CYP2C18: variants seen among roughly 807,000 people sequenced by gnomAD.
CYP2C18 encodes cytochrome P450 2C18.
CYP2C18 carries 38 observed loss-of-function variants against 41.3 expected under a neutral mutation model. The observed-to-expected ratio is 0.92, with a 90% confidence interval of 0.71 to 1.21. The LOEUF is 1.21. CYP2C18 is among the 50% of genes most tolerant of loss of function. CYP2C18 has a pLI of 0.00. For missense variants in CYP2C18, 635 were observed against 591.4 expected (o/e 1.07, Z -0.77); for synonymous variants, 236 against 210.0 (o/e 1.12, Z -1.07).
chr10:94,733,702 C>T (rs1293993614), intron 8 of CYP2C18: 1 of 574,796 alleles, frequency 1.7e-6, no homozygotes, highest in African/African-American at 2.0e-5. Context: ...AGATACATCA[C>T]TGAGCTACCC....
chr10:94,725,011 A>T (rs747851762), intron 7 of CYP2C18, among the ~76,000 whole-genome samples: 4 of 150,532 alleles, frequency 2.7e-5, no homozygotes, highest in Non-Finnish European at 5.9e-5. Context: ...TGGCTTTCTC[A>T]TGTATTACGT....
rs905420054 is a variant in CYP2C18, at chr10:94,687,912, A to C, written c.311A>C (p.Glu104Ala). ...GGAAGAGGAAGTTTTCCAGTGGCTGAAAAAGTTAACAAAGGACTTGGTAAA... is the reference window on the plus strand; with the variant it reads ...GGAAGAGGAAGTTTTCCAGTGGCTGCAAAAGTTAACAAAGGACTTGGTAAA... ...FSGRGSFPVAEKVNKGLGILF... is the reference protein window; with the variant it reads ...FSGRGSFPVAAKVNKGLGILF... The change falls in exon 2 of 9, where the codon GAA becomes GCA. Residue 104 changes from glutamate (E) to alanine (A), a missense_variant. By Grantham distance (107) the Glu-to-Ala change is moderately radical (BLOSUM62 -1). Transcript: ENST00000285979. The C allele has an allele frequency of 9.9e-6, 16 of 1,613,754 alleles. No homozygotes were observed. The highest frequency in any genetic ancestry group is 1.4e-5 in the Non-Finnish European group (16 of 1,179,744).
chr10:94,716,519 A>G (rs951480532), intron 5 of CYP2C18, among the ~76,000 whole-genome samples: 6 of 152,084 alleles, frequency 3.9e-5, no homozygotes, highest in African/African-American at 1.4e-4. Context: ...TTGTAGTTCT[A>G]GTTTGATTGT....
intron 3 of CYP2C18, among the ~76,000 whole-genome samples, chr10:94,693,786 G>A (rs1847060538): frequency 6.6e-6 from 1 of 152,116 alleles, no homozygotes; most frequent in Non-Finnish European, 1.5e-5. Context: ...TTTTGTTCAA[G>A]TCACTCTTAA....
intron 1 of CYP2C18, 117 bp downstream of exon 1, chr10:94,684,104 A>G: frequency 1.5e-6 from 1 of 687,644 alleles, no homozygotes; most frequent in African/African-American, 1.8e-5. Flanking sequence ...ATGGGGTACA[A>G]TATTACATTT....
At chr10:94,728,316 G>A (rs1005748089) in intron 7 of CYP2C18, among the ~76,000 whole-genome samples, 1 of 151,956 alleles carries the variant, frequency 6.6e-6, no homozygotes, top group Non-Finnish European at 1.5e-5. Context: ...TCATATGTGC[G>A]GTCCACATTT....
At chr10:94,717,638 A>G (rs1470678384) in intron 5 of CYP2C18, among the ~76,000 whole-genome samples, 1 of 152,068 alleles carries the variant, frequency 6.6e-6, no homozygotes, top group Admixed American at 6.6e-5. Context: ...GCTTGAGTAT[A>G]TGGTGTGAGA....
chr10:94,721,437 G>A (rs1251803943), intron 6 of CYP2C18, among the ~76,000 whole-genome samples: 1 of 152,092 alleles, frequency 6.6e-6, no homozygotes, highest in Non-Finnish European at 1.5e-5. Flanking sequence ...TGGTTGGTTT[G>A]ATGCCATTTT....
At chr10:94,687,994 A>G in intron 2 of CYP2C18, 62 bp downstream of exon 2, 1 of 1,595,862 alleles carries the variant, frequency 6.3e-7, no homozygotes, top group Non-Finnish European at 8.6e-7. Flanking sequence ...GGCTATAGGG[A>G]TGGGGAGGAT....
chr10:94,733,571 C>A, intron 8 of CYP2C18, 133 bp downstream of exon 8: 1 of 1,474,104 alleles, frequency 6.8e-7, no homozygotes, highest in Non-Finnish European at 9.0e-7. Context: ...TCCCTATGCC[C>A]ATGCGATTTC....
At chr10:94,724,693 A>G (rs1300390737) in intron 7 of CYP2C18, among the ~76,000 whole-genome samples, 160 bp downstream of exon 7, 1 of 152,106 alleles carries the variant, frequency 6.6e-6, no homozygotes, top group Non-Finnish European at 1.5e-5. Context: ...TGGGCCTATG[A>G]AGGTTTATAA....
At chr10:94,694,147 G>C (rs12569873) in intron 3 of CYP2C18, among the ~76,000 whole-genome samples, 1 of 151,972 alleles carries the variant, frequency 6.6e-6, no homozygotes, top group African/African-American at 2.4e-5. Context: ...ATTGAAGATA[G>C]TGCCTGGTGA....
chr10:94,701,294 A>G (rs545330443), intron 4 of CYP2C18, among the ~76,000 whole-genome samples: 1 of 152,352 alleles, frequency 6.6e-6, no homozygotes, highest in Non-Finnish European at 1.5e-5. Context: ...CAGCCATAAA[A>G]AATGATGAGT....
chr10:94,704,795 CCAGCTT>C (rs1847308060), intron 4 of CYP2C18, among the ~76,000 whole-genome samples: 1 of 152,118 alleles, frequency 6.6e-6, no homozygotes, highest in Non-Finnish European at 1.5e-5. Flanking sequence ...AAACTGTCTC[CCAGCTT>C]TTATTCTCAG....
At chr10:94,694,187 T>C (rs1449398862) in intron 3 of CYP2C18, among the ~76,000 whole-genome samples, 1 of 152,144 alleles carries the variant, frequency 6.6e-6, no homozygotes, top group Non-Finnish European at 1.5e-5. Flanking sequence ...GAGCAGGAAA[T>C]TCCTTTTTTT....
intron 3 of CYP2C18, among the ~76,000 whole-genome samples, chr10:94,693,110 A>C (rs1352298961): frequency 1.3e-5 from 2 of 152,172 alleles, no homozygotes; most frequent in African/African-American, 4.8e-5. Flanking sequence ...ACACGTATAC[A>C]TATGTAACAA....
At chr10:94,693,464 G>A (rs1847051893) in intron 3 of CYP2C18, among the ~76,000 whole-genome samples, 1 of 152,052 alleles carries the variant, frequency 6.6e-6, no homozygotes, top group African/African-American at 2.4e-5. Flanking sequence ...CCTAGTCTCA[G>A]GTATTTCTTT....
chr10:94,700,671 T>G (rs1847220885), intron 4 of CYP2C18, among the ~76,000 whole-genome samples: 1 of 152,174 alleles, frequency 6.6e-6, no homozygotes, highest in East Asian at 1.9e-4. Flanking sequence ...CAAACCACCA[T>G]CAGAGTGAAC....
chr10:94,693,182 C>A (rs1283478556), intron 3 of CYP2C18, among the ~76,000 whole-genome samples: 1 of 152,074 alleles, frequency 6.6e-6, no homozygotes, highest in East Asian at 1.9e-4. Context: ...TGTAATCCCC[C>A]ATATTGGAGG....
Sources: gnomAD v4.1 joint callset for allele counts (sites outside exome capture counted in the v4.1 genomes callset) on GRCh38, gnomAD v4.1.1 for gene constraint, MANE v1.5 for transcripts, NCBI Gene and HGNC (gene_info 2026-07-23, HGNC 2026-07-21) for gene names.